Variants in PRH1 observed in about 807,000 individuals in gnomAD.
PRH1 encodes the protein salivary acidic proline-rich phosphoprotein 1/2.
Under a neutral mutation model 7.9 loss-of-function variants are expected in PRH1, and 7 were observed. The ratio of observed to expected loss-of-function variants is 0.89; its 90% confidence interval spans 0.50 to 1.67. PRH1 has a LOEUF of 1.67. Ranked by LOEUF, PRH1 falls within the 40% of genes most tolerant of loss-of-function variation. PRH1 has a pLI of 0.00. For missense variants in PRH1, 109 were observed against 223.6 expected (o/e 0.49, Z 3.27); for synonymous variants, 45 against 80.8 (o/e 0.56, Z 2.38).
At chr12:11,024,376 C>T (rs1273028861) in intron 1 of PRH1, among the ~76,000 whole-genome samples, 1 of 152,206 alleles carries the variant, frequency 6.6e-6, no homozygotes, top group African/African-American at 2.4e-5. Context: ...ACCTCAATGC[C>T]ACTTTCTAAT....
chr12:11,067,004 A>G (rs1172292147), intron 1 of PRH1, among the ~76,000 whole-genome samples: 2 of 152,200 alleles, frequency 1.3e-5, no homozygotes, highest in African/African-American at 4.8e-5. Context: ...GCAATAATAC[A>G]GTATATCAAC....
intron 1 of PRH1, among the ~76,000 whole-genome samples, chr12:11,150,455 T>C (rs1420702165): frequency 6.6e-6 from 1 of 152,012 alleles, no homozygotes; most frequent in South Asian, 2.1e-4. Flanking sequence ...ATTAAGAAAA[T>C]GTGGCACATA....
chr12:11,121,297 C>T (rs1184074311), intron 1 of PRH1: 1 of 152,168 alleles, frequency 6.6e-6, no homozygotes, highest in Non-Finnish European at 1.5e-5. Flanking sequence ...ATTGATTAGA[C>T]AGATAATTTG....
chr12:11,149,732 GC>G, intron 1 of PRH1, among the ~76,000 whole-genome samples: 1 of 139,116 alleles, frequency 7.2e-6, no homozygotes, highest in Admixed American at 7.4e-5. Flanking sequence ...GAAAACCTAG[GC>G]ATTACCATTC....
upstream of PRH1, among the ~76,000 whole-genome samples, chr12:11,052,115 A>G (rs1943171404): frequency 6.6e-6 from 1 of 152,262 alleles, no homozygotes; most frequent in Non-Finnish European, 1.5e-5. Flanking sequence ...CTTTATTGCT[A>G]TTTGCATATA....
chr12:11,060,215 T>C (rs937748941), intron 1 of PRH1, among the ~76,000 whole-genome samples: 2 of 152,162 alleles, frequency 1.3e-5, no homozygotes, highest in African/African-American at 2.4e-5. Context: ...GAACTTCCTA[T>C]TAATGAATAT....
At chr12:11,061,217 G>T in intron 1 of PRH1, 1 of 1,102,414 alleles carries the variant, frequency 9.1e-7, no homozygotes. Context: ...CACTTTTTTA[G>T]ACTAACGTTA....
intron 1 of PRH1, among the ~76,000 whole-genome samples, chr12:11,146,390 T>C (rs896460021): frequency 1.1e-4 from 17 of 152,174 alleles, no homozygotes; most frequent in Admixed American, 5.2e-4. Flanking sequence ...TTGGCAAGAA[T>C]TGATGTCATC....
At chr12:10,965,381 T>C (rs11054098) in intron 2 of PRH1, 253,537 of 986,468 alleles carry the variant, frequency 0.26, 33,565 homozygotes, top group Non-Finnish European at 0.27. Flanking sequence ...ATAGAATAAA[T>C]GAAGGCCTAA....
intron 1 of PRH1, among the ~76,000 whole-genome samples, chr12:11,016,497 T>C (rs1311471874): frequency 6.6e-6 from 1 of 152,184 alleles, no homozygotes; most frequent in Admixed American, 6.5e-5. Context: ...TTTTTTGTTG[T>C]TGTTTTTTCT....
chr12:10,998,048 T>C (rs1421526946), intron 1 of PRH1, among the ~76,000 whole-genome samples: 3 of 152,202 alleles, frequency 2.0e-5, no homozygotes, highest in Admixed American at 6.5e-5. Flanking sequence ...CTTAAACTAA[T>C]GAATGAGTTC....
intron 1 of PRH1, among the ~76,000 whole-genome samples, chr12:11,017,213 T>G (rs1303317770): frequency 6.6e-6 from 1 of 152,274 alleles, no homozygotes; most frequent in Non-Finnish European, 1.5e-5. Context: ...TGCTTCACTG[T>G]TTTATGTCAG....
At chr12:11,147,037 C>T (rs748693260) in intron 1 of PRH1, among the ~76,000 whole-genome samples, 17 of 152,092 alleles carry the variant, frequency 1.1e-4, no homozygotes, top group Non-Finnish European at 2.2e-4. Context: ...TGCCTATCTC[C>T]GAACTGTTAA....
upstream of PRH1, among the ~76,000 whole-genome samples, chr12:10,886,465 C>T (rs1949493578): frequency 6.6e-6 from 1 of 152,148 alleles, no homozygotes; most frequent in Admixed American, 6.5e-5. Context: ...CAGCGAGAGA[C>T]TAGTGTATCA....
chr12:11,061,768 T>TTTGAAAGGTACA, intron 1 of PRH1: 1 of 1,614,098 alleles, frequency 6.2e-7, no homozygotes, highest in Non-Finnish European at 8.5e-7. Flanking sequence ...TACCGTTGTA[T>TTTGAAAGGTACA]TTGAAAGGTA....
intron 1 of PRH1, among the ~76,000 whole-genome samples, chr12:11,019,569 G>T (rs1300983389): frequency 6.6e-6 from 1 of 152,162 alleles, no homozygotes; most frequent in Non-Finnish European, 1.5e-5. Context: ...TAATGTGTAA[G>T]AAAGGTGACT....
At chr12:10,957,594 G>T (rs1008012583) in intron 2 of PRH1, among the ~76,000 whole-genome samples, 3 of 152,096 alleles carry the variant, frequency 2.0e-5, no homozygotes, top group Non-Finnish European at 4.4e-5. Context: ...AAGAGCTTCT[G>T]CACAAGAAAA....
Position 11,038,727 on chromosome 12 carries a change from TG to T in PRH1, c.-126+8292del, listed in dbSNP as rs1462502280. ...TGGAGGACTTCTCAACTTTAGCTATTGAAACTCAGTGATATGCATGTGAATG... is the reference window on the plus strand; with the variant it reads ...TGGAGGACTTCTCAACTTTAGCTATTAAACTCAGTGATATGCATGTGAATG... On this transcript the variant is annotated intron_variant, in intron 1 of 3. Coordinates refer to the PRH1 transcript ENST00000539853. Among the ~76,000 whole-genome samples, 14 of 145,520 alleles carry T rather than the reference TG, an allele frequency of 9.6e-5. No individual in the cohort carries two copies. The Admixed American group carries it at 9.8e-4, about 10-fold the overall frequency.
At chr12:10,997,416 A>G in intron 1 of PRH1, 3 of 1,614,092 alleles carry the variant, frequency 1.9e-6, no homozygotes, top group Non-Finnish European at 2.5e-6. Flanking sequence ...TCTTCTGTCC[A>G]CACATTTATA....
Sources: allele counts gnomAD v4.1 joint callset (sites outside exome capture counted in the v4.1 genomes callset), GRCh38; gene constraint gnomAD v4.1.1; transcripts MANE v1.5; gene names NCBI Gene and HGNC (gene_info 2026-07-23, HGNC 2026-07-21).